The following PLEC variants were observed in gnomAD, a reference collection of about 807,000 sequenced individuals.
PLEC encodes the protein hemidesmosomal protein 1.
In PLEC, 216 loss-of-function variants were observed where a neutral mutation model predicts 392.8. That is an observed-to-expected ratio of 0.55 (90% CI 0.49 to 0.62). PLEC has a LOEUF of 0.62. PLEC is among the 20% of genes least tolerant of loss of function. PLEC has a pLI of 0.00. For missense variants in PLEC, 6,863 were observed against 6,563.4 expected (o/e 1.05, Z -1.58); for synonymous variants, 3,621 against 2,980.6 (o/e 1.21, Z -7.00).
chr8:143,957,567 G>A (rs1832659011), upstream of PLEC, among the ~76,000 whole-genome samples: 2 of 152,166 alleles, frequency 1.3e-5, no homozygotes, highest in Admixed American at 1.3e-4. Context: ...CCAAGGTTGA[G>A]CCCAGGCACC....
At position 143,921,625 on chromosome 8, in the gene PLEC, C is replaced by A. The variant is rs372807129; in HGVS notation, c.8196G>T (p.Ala2732=). The part of the protein sequence containing the change: ...SPGTALILLE[A]QAASGFLLDP... Reference sequence around the variant, plus strand: ...CCAGCAGGAAGCCTGAGGCCGCCTGCGCCTCCAGCAGGATGAGGGCCGTGC... The same window carrying A: ...CCAGCAGGAAGCCTGAGGCCGCCTGAGCCTCCAGCAGGATGAGGGCCGTGC... The change falls in exon 32 of 32, where the codon GCG becomes GCT. Residue 2732 remains alanine (A), a synonymous_variant. Transcript: ENST00000345136. 1.2e-4 allele frequency: 195 copies of A among 1,612,658 alleles called. No individual in the cohort carries two copies. Among genetic ancestry groups the A allele is most frequent in the Non-Finnish European group, 1.6e-4 (190 of 1,179,832 alleles).
upstream of PLEC, chr8:143,953,976 C>T (rs1832448528): frequency 3.9e-6 from 5 of 1,282,248 alleles, no homozygotes; most frequent in Non-Finnish European, 5.1e-6. Context: ...GCACCCCTCC[C>T]CCCCAGCCTG....
upstream of PLEC, among the ~76,000 whole-genome samples, chr8:143,953,507 GC>G (rs1832408376): frequency 6.6e-6 from 1 of 151,978 alleles, no homozygotes. Flanking sequence ...CGACGCTCCT[GC>G]AGGGCTGCGG....
In PLEC at chr8:143,925,730, T is replaced by G; in HGVS notation, c.4199A>C (p.Glu1400Ala). Residue 1400 changes from glutamate to alanine, a missense_variant, in exon 31 of 32, where the codon GAG becomes GCG. Glu to Ala is a moderately radical substitution (Grantham distance 107, BLOSUM62 -1). Coordinates refer to ENST00000345136, the MANE Select transcript of PLEC (RefSeq NM_201384.3). Reference protein sequence around the residue: ...AKELQQRMQEEVVRREEAAVD... With the variant: ...AKELQQRMQEAVVRREEAAVD... Reference sequence around the variant, plus strand: ...CGCCGCCTCCTCCCGCCGCACCACCTCCTCCTGCATGCGCTGCTGCAGCTC... The same window carrying G: ...CGCCGCCTCCTCCCGCCGCACCACCGCCTCCTGCATGCGCTGCTGCAGCTC... The G allele has an allele frequency of 1.9e-6, 3 of 1,595,392 alleles. No homozygotes were observed. Among genetic ancestry groups the G allele is most frequent in the South Asian group, 1.1e-5 (1 of 90,716 alleles).
intron 1 of PLEC, chr8:143,950,149 C>T (rs1554734835): frequency 6.8e-7 from 1 of 1,470,314 alleles, no homozygotes; most frequent in Non-Finnish European, 9.0e-7. Context: ...CCCTACTTGC[C>T]ACCCATCATG....
chr8:143,928,912 G>A (rs992828487), intron 25 of PLEC, among the ~76,000 whole-genome samples, 191 bp downstream of exon 25: 6 of 152,122 alleles, frequency 3.9e-5, no homozygotes, highest in South Asian at 2.1e-4. Flanking sequence ...CGCCACTGTC[G>A]AAGCGTATCC....
At chr8:143,975,229 C>T, upstream of PLEC, 1 of 1,605,684 alleles carries the variant, frequency 6.2e-7, no homozygotes, top group Non-Finnish European at 8.5e-7. The surrounding 1 kb of genome is among the most constrained non-coding windows in gnomAD (Gnocchi z 9.9). Flanking sequence ...TCCCGTTGCT[C>T]CCAGCGCCAC....
rs782581005 is a variant in PLEC at position 143,916,534 on chromosome 8, G to T, written c.13287C>A (p.Gly4429=). 10 of 1,611,640 alleles carry T rather than the reference G, an allele frequency of 6.2e-6. No homozygotes were observed. Among genetic ancestry groups the T allele is most frequent in the Non-Finnish European group, 8.5e-6 (10 of 1,179,494 alleles). ...GGCAGGTGAGGTACTTGGAGTAGGC[G>T]CCCACGTCACGCAGCTTCTGTGCGG... ...ARTAQKLRDV[G]AYSKYLTCPK... The change falls in exon 32 of 32, where the codon GGC becomes GGA. Residue 4429 remains glycine (G), a synonymous_variant. Transcript: ENST00000345136.
rs1554744926 is a variant in PLEC at position 143,973,394 on chromosome 8, G to A, written c.70+9C>T. 3 of 1,559,704 alleles carry A rather than the reference G, an allele frequency of 1.9e-6. No individual in the cohort carries two copies. On this transcript the variant is annotated intron_variant, in intron 1 of 31. Coordinates refer to the PLEC transcript ENST00000356346. This position sits in a 1 kb window ranked among gnomAD's most constrained non-coding sequence, Gnocchi z 5.6. ...GCGGCCCGACAGGCAGCGGGACGGG[G>A]GGCCGTACCTTTGTACTTCTCGCGC...
upstream of PLEC, among the ~76,000 whole-genome samples, chr8:143,952,497 CA>C (rs1465001713): frequency 3.3e-5 from 5 of 152,182 alleles, no homozygotes; most frequent in African/African-American, 1.2e-4. Context: ...CAGCTGGGTC[CA>C]AGCCTGCCCA....
intron 1 of PLEC, among the ~76,000 whole-genome samples, chr8:143,947,498 A>G (rs1831635254): frequency 1.3e-5 from 2 of 152,130 alleles, no homozygotes; most frequent in African/African-American, 4.8e-5. Flanking sequence ...TAATCCCAGC[A>G]CTTTGGGAGG....
At position 143,917,363 on chromosome 8, in the gene PLEC, G is replaced by C; in HGVS notation, c.12458C>G (p.Ser4153Ter). 1 of 1,610,750 alleles carries C rather than the reference G, an allele frequency of 6.2e-7. No homozygotes were observed. Residue 4153 changes from serine to a stop codon, truncating the protein, a stop_gained, in exon 32 of 32, where the codon TCA becomes TGA. Transcript: ENST00000345136. LOFTEE classifies it high-confidence loss of function. Reference protein sequence around the residue: ...IVDPETGKEMSVYEAYRKGLI... With the variant: ...IVDPETGKEM ...GCCCTTGCGGTAGGCCTCGTACACT[G>C]ACATCTCCTTGCCCGTCTCGGGGTC...
chr8:143,972,235 G>C (rs1173913089), intron 1 of PLEC, among the ~76,000 whole-genome samples: 1 of 152,232 alleles, frequency 6.6e-6, no homozygotes, highest in African/African-American at 2.4e-5. Context: ...ACCCCTCCGG[G>C]TGCTCCCTCT....
chr8:143,924,681 G>C lies in PLEC; in HGVS notation c.5248C>G (p.Arg1750Gly), dbSNP rs782410213. ...QREAAAATQKRQELEAELAKV... is the reference protein window; with the variant it reads ...QREAAAATQKGQELEAELAKV... Reference sequence around the variant, plus strand: ...GCCAGCTCGGCTTCCAGCTCCTGCCGTTTCTGCGTGGCTGCAGCCGCCTCA... The same window carrying C: ...GCCAGCTCGGCTTCCAGCTCCTGCCCTTTCTGCGTGGCTGCAGCCGCCTCA... Residue 1750 changes from arginine to glycine, a missense_variant, in exon 31 of 32, where the codon CGG (arginine) becomes GGG (glycine). Transcript: ENST00000345136. The C allele has an allele frequency of 3.9e-6, 6 of 1,534,784 alleles. No homozygotes were observed. Among genetic ancestry groups the C allele is most frequent in the Non-Finnish European group, 5.2e-6 (6 of 1,146,458 alleles).
At chr8:143,962,511 C>T (rs1554741145) in intron 1 of PLEC, among the ~76,000 whole-genome samples, 2 of 152,214 alleles carry the variant, frequency 1.3e-5, no homozygotes, top group African/African-American at 4.8e-5. Flanking sequence ...TGACGAATAT[C>T]TGAAAATGTG....
intron 1 of PLEC, chr8:143,946,583 A>ACCTGCCTGGGGGTGCAGGGGACTGG (rs1831512428): frequency 2.8e-6 from 1 of 351,284 alleles, no homozygotes; most frequent in Non-Finnish European, 5.6e-6. Flanking sequence ...AGCCCAGCAG[A>ACCTGCCTGGGGGTGCAGGGGACTGG]CCTGCCTGGG....
rs957919604 is a variant in PLEC, at chr8:143,930,157, C to T, written c.2599G>A (p.Glu867Lys). 1.9e-6 allele frequency: 3 copies of T among 1,582,208 alleles called. No homozygotes were observed. The Admixed American group carries it at 5.2e-5, about 28-fold the overall frequency. ...CCCGCCACCCACCTGGTGACGGCCT[C>T]CTGGGCCTCCTGGTTGGGCGGGGGC... ...LVPPPNQEAQ[E>K]AVTRLEAQHQ... Residue 867 changes from glutamate to lysine, a missense_variant, in exon 21 of 32, where the codon GAG becomes AAG. By Grantham distance (56) the Glu-to-Lys change is moderately conservative. Coordinates refer to ENST00000345136, the MANE Select transcript of PLEC (RefSeq NM_201384.3).
In PLEC at chr8:143,925,484, G is replaced by C; in HGVS notation, c.4445C>G (p.Ala1482Gly). 2 of 1,595,988 alleles carry C rather than the reference G, an allele frequency of 1.3e-6. No individual in the cohort carries two copies. The highest frequency in any genetic ancestry group is 1.7e-6 in the Non-Finnish European group (2 of 1,178,150). Reference protein sequence around the residue: ...EGELQALRARAEEAEAQKRQA... With the variant: ...EGELQALRARGEEAEAQKRQA... ...TCGCTTTTGTGCCTCAGCCTCCTCCGCCCGTGCACGCAGTGCCTGCAGCTC... is the reference window on the plus strand; with the variant it reads ...TCGCTTTTGTGCCTCAGCCTCCTCCCCCCGTGCACGCAGTGCCTGCAGCTC... Residue 1482 changes from alanine (A) to glycine (G), a missense_variant, in exon 31 of 32, where the codon GCG becomes GGG. Physicochemically the swap from Ala to Gly is moderately conservative, Grantham distance 60 (BLOSUM62 0). Coordinates refer to ENST00000345136, the MANE Select transcript of PLEC (RefSeq NM_201384.3).
In PLEC at chr8:143,939,572, T is replaced by TCGGCACAGGCTCAGCTCAGAGCCC. The variant is rs1554726956; in HGVS notation, c.-135_-112dup. On this transcript the variant is annotated 5_prime_UTR_variant, in exon 1 of 32. Coordinates refer to ENST00000345136, the MANE Select transcript of PLEC (RefSeq NM_201384.3). ...GCTGGCGGCCCCACGAGACGCTCAC[T>TCGGCACAGGCTCAGCTCAGAGCCC]CGGCACAGGCTCAGCTCAGAGCCCC... is the stretch of plus-strand genomic sequence containing the variant. The TCGGCACAGGCTCAGCTCAGAGCCC allele has an allele frequency of 2.0e-6, 3 of 1,525,370 alleles. No homozygotes were observed. Among genetic ancestry groups the TCGGCACAGGCTCAGCTCAGAGCCC allele is most frequent in the Non-Finnish European group, 2.6e-6 (3 of 1,139,288 alleles). 94.5% of individuals were successfully genotyped at this position (1,525,370 alleles called of 1,614,324 possible).
Sources: gnomAD v4.1 joint callset for allele counts (sites outside exome capture counted in the v4.1 genomes callset) on GRCh38, gnomAD v4.1.1 for gene constraint, Gnocchi (gnomAD v3.1) non-coding constraint, MANE v1.5 for transcripts, NCBI Gene and HGNC (gene_info 2026-07-23, HGNC 2026-07-21) for gene names.